The following DCLK1 variants were observed in gnomAD, a reference collection of about 807,000 sequenced individuals.
DCLK1 encodes doublecortin like kinase 1.
DCLK1 carries 16 observed loss-of-function variants against 86.2 expected under a neutral mutation model. The ratio of observed to expected loss-of-function variants is 0.19; its 90% CI spans 0.13 to 0.28. The LOEUF (loss-of-function observed/expected upper bound fraction) is 0.28. DCLK1 is among the 10% of genes least tolerant of loss of function. DCLK1 has a pLI of 1.00. For synonymous variants in DCLK1, 369 were observed against 370.5 expected, an observed-to-expected ratio of 1.00 and a Z score of 0.05; for missense variants, 590 against 940.2, an observed-to-expected ratio of 0.63 and a Z score of 4.87.
At chr13:35,808,175 C>A (rs4421866) in intron 14 of DCLK1, 49 bp downstream of exon 14, 187 of 1,510,952 alleles carry the variant, frequency 1.2e-4, no homozygotes, top group Non-Finnish European at 1.7e-4. Flanking sequence ...AAAAATAATT[C>A]CGTTAAGACA....
At chr13:35,811,058 A>C in intron 11 of DCLK1, 90 bp from the exon 12 acceptor site, 2 of 1,529,614 alleles carry the variant, frequency 1.3e-6, no homozygotes, top group Non-Finnish European at 1.8e-6. Flanking sequence ...GTTTAAATTT[A>C]ATGTATAGGA....
At chr13:36,056,231 G>C (rs1170752845) in intron 3 of DCLK1, among the ~76,000 whole-genome samples, 2 of 101,808 alleles carry the variant, frequency 2.0e-5, no homozygotes, top group African/African-American at 3.8e-5. Flanking sequence ...GTCCAACAAT[G>C]ATAGACTGGA....
chr13:35,911,280 C>T (rs1026956744), intron 4 of DCLK1, among the ~76,000 whole-genome samples: 4 of 146,782 alleles, frequency 2.7e-5, no homozygotes, highest in African/African-American at 5.2e-5. Context: ...GGTGACAGAG[C>T]GAGATTCCGT....
At chr13:36,055,925 ATGATATCTCATAGTGGTTT>A (rs1349699014) in intron 3 of DCLK1, among the ~76,000 whole-genome samples, 1 of 152,218 alleles carries the variant, frequency 6.6e-6, no homozygotes, top group Admixed American at 6.5e-5. Context: ...CTGGTGTGAG[ATGATATCTCATAGTGGTTT>A]TGATTAAAAA....
chr13:35,777,776 T>A (rs1023261797), intron 16 of DCLK1, among the ~76,000 whole-genome samples: 9 of 152,202 alleles, frequency 5.9e-5, no homozygotes, highest in Non-Finnish European at 2.9e-5. Flanking sequence ...ACTGACCTGC[T>A]CTCAGAGATG....
At chr13:35,941,933 G>A (rs974683082) in intron 4 of DCLK1, among the ~76,000 whole-genome samples, 13 of 152,042 alleles carry the variant, frequency 8.6e-5, no homozygotes, top group Admixed American at 8.5e-4. Flanking sequence ...AATTTCACAC[G>A]TGCTGCTGTG....
intron 4 of DCLK1, among the ~76,000 whole-genome samples, chr13:35,890,068 T>C (rs901828690): frequency 1.3e-5 from 2 of 152,184 alleles, no homozygotes; most frequent in African/African-American, 2.4e-5. Context: ...CAATTTTCTA[T>C]AATATATGTG....
intron 6 of DCLK1, among the ~76,000 whole-genome samples, chr13:35,841,237 C>T (rs1479098798): frequency 6.6e-6 from 1 of 152,172 alleles, no homozygotes; most frequent in East Asian, 1.9e-4. Flanking sequence ...TAGCATGTTT[C>T]CTAGCAAAGA....
chr13:35,917,582 T>C (rs530349844), intron 4 of DCLK1, among the ~76,000 whole-genome samples: 7 of 152,254 alleles, frequency 4.6e-5, no homozygotes, highest in African/African-American at 1.7e-4. Context: ...AGAGAAAGCA[T>C]GCCAAGCCTT....
intron 6 of DCLK1, among the ~76,000 whole-genome samples, chr13:35,839,666 G>A (rs1288315394): frequency 6.6e-6 from 1 of 152,170 alleles, no homozygotes; most frequent in African/African-American, 2.4e-5. Flanking sequence ...TAGGAGAAAG[G>A]TTAAAGAGTG....
At chr13:36,049,280 G>A (rs150590810) in intron 3 of DCLK1, among the ~76,000 whole-genome samples, 1 of 152,148 alleles carries the variant, frequency 6.6e-6, no homozygotes, top group Non-Finnish European at 1.5e-5. Context: ...TAAGAAACAT[G>A]AGCATATTCT....
chr13:35,909,857 A>C (rs1874910191), intron 4 of DCLK1, among the ~76,000 whole-genome samples: 1 of 151,688 alleles, frequency 6.6e-6, no homozygotes. Flanking sequence ...AGAAAACAAA[A>C]ATCTCCCCTG....
intron 3 of DCLK1, among the ~76,000 whole-genome samples, chr13:36,038,557 A>G (rs1353434438): frequency 6.6e-6 from 1 of 152,186 alleles, no homozygotes. Flanking sequence ...ATAATCTCAG[A>G]GGCTTTTCCA....
chr13:35,815,616 A>G (rs1402711909), intron 11 of DCLK1, among the ~76,000 whole-genome samples: 1 of 152,210 alleles, frequency 6.6e-6, no homozygotes, highest in African/African-American at 2.4e-5. Flanking sequence ...TTTAACATAT[A>G]CGGTATCCCT....
intron 2 of DCLK1, among the ~76,000 whole-genome samples, chr13:36,117,051 G>A (rs977958055): frequency 2.6e-5 from 4 of 152,042 alleles, no homozygotes; most frequent in African/African-American, 9.6e-5. Flanking sequence ...GAAGTCTTCC[G>A]TAACACAATA....
chr13:35,832,609 G>A (rs1566557277), intron 8 of DCLK1, among the ~76,000 whole-genome samples: 1 of 152,168 alleles, frequency 6.6e-6, no homozygotes, highest in Admixed American at 6.5e-5. Flanking sequence ...GATGGTGGCA[G>A]TTAGCACAAT....
At chr13:35,855,802 C>A in intron 5 of DCLK1, 1 of 1,258,396 alleles carries the variant, frequency 7.9e-7, no homozygotes. Context: ...CCCATCCCGA[C>A]ACCACTCCCT....
chr13:35,896,783 A>T (rs925505499), intron 4 of DCLK1, among the ~76,000 whole-genome samples: 13 of 152,034 alleles, frequency 8.6e-5, no homozygotes, highest in African/African-American at 3.1e-4. Flanking sequence ...AGACAACTCC[A>T]CCCTCAGATC....
At chr13:36,109,279 G>A (rs1885524360) in intron 3 of DCLK1, among the ~76,000 whole-genome samples, 1 of 152,140 alleles carries the variant, frequency 6.6e-6, no homozygotes. Context: ...CAGAATGACT[G>A]CAGGGAAAAA....
Sources: allele counts gnomAD v4.1 joint callset (sites outside exome capture counted in the v4.1 genomes callset), GRCh38; gene constraint gnomAD v4.1.1; transcripts MANE v1.5; gene names NCBI Gene and HGNC (gene_info 2026-07-23, HGNC 2026-07-21).